Variants in CROCC observed in about 807,000 individuals in gnomAD.
CROCC encodes the protein ciliary rootlet coiled-coil, rootletin.
CROCC carries 180 observed loss-of-function variants against 245.2 expected under a neutral mutation model. The observed-to-expected ratio is 0.73, with a 90% CI of 0.65 to 0.83. The LOEUF (loss-of-function observed/expected upper bound fraction) is 0.83, where lower values mean the gene tolerates loss of function less well. Ranked by LOEUF, CROCC falls within the 40% of genes least tolerant of loss-of-function variation. The pLI is 0.00. For synonymous variants in CROCC, 1,205 were observed against 1,241.6 expected, an observed-to-expected ratio of 0.97 and a Z score of 0.62; for missense variants, 2,688 against 2,779.4, an observed-to-expected ratio of 0.97 and a Z score of 0.74.
chr1:16,959,817 C>A (rs74058333), intron 26 of CROCC, among the ~76,000 whole-genome samples: 27 of 152,302 alleles, frequency 1.8e-4, no homozygotes, highest in African/African-American at 6.3e-4. Flanking sequence ...ACTTAACCTT[C>A]CTGGCTGTTC....
upstream of CROCC, among the ~76,000 whole-genome samples, chr1:16,920,267 C>T (rs1488080093): frequency 6.6e-6 from 1 of 152,200 alleles, no homozygotes; most frequent in African/African-American, 2.4e-5. Context: ...TTAATAGAGA[C>T]GGGGTTTCAC....
intron 27 of CROCC, among the ~76,000 whole-genome samples, chr1:16,962,704 G>A (rs2076354071): frequency 6.7e-6 from 1 of 149,610 alleles, no homozygotes; most frequent in Non-Finnish European, 1.5e-5. Flanking sequence ...ATGTGTGTGT[G>A]TGTATATAAA....
Position 16,948,423 on chromosome 1 carries a change from T to C in CROCC, c.2607T>C (p.Arg869=). ...RQVEALERAA[R]EKEALAKEHA... The stretch of plus-strand genomic sequence containing the variant: ...TGGAGGCGCTGGAGCGAGCGGCCCG[T>C]GAGAAGGAGGCGCTAGCCAAGGAGC... The change falls in exon 18 of 37, where the codon CGT becomes CGC. Residue 869 remains arginine, a synonymous_variant. Coordinates refer to ENST00000375541, the MANE Select transcript of CROCC (RefSeq NM_014675.5). 6.4e-7 allele frequency: 1 copy of C among 1,571,666 alleles called. No homozygotes were observed. Among genetic ancestry groups the C allele is most frequent in the Non-Finnish European group, 8.6e-7 (1 of 1,160,510 alleles).
chr1:16,951,563 G>A (rs1310695161), intron 20 of CROCC, among the ~76,000 whole-genome samples: 8 of 152,338 alleles, frequency 5.3e-5, no homozygotes, highest in African/African-American at 1.9e-4. Flanking sequence ...CAAGGTGTCC[G>A]TGCCTTCATT....
intron 12 of CROCC, 93 bp downstream of exon 12, chr1:16,939,235 G>A (rs1424576098): frequency 1.8e-6 from 2 of 1,136,350 alleles, no homozygotes; most frequent in East Asian, 3.1e-5. Context: ...GGCAGGTCCG[G>A]GGCCAGGGTC....
Position 16,951,070 on chromosome 1 carries a change from G to A in CROCC, c.2954G>A (p.Arg985Gln), listed in dbSNP as rs1388968596. 23 of 1,600,960 alleles carry A rather than the reference G, an allele frequency of 1.4e-5. No homozygotes were observed. Among genetic ancestry groups the A allele is most frequent in the African/African-American group, 4.0e-5 (3 of 74,458 alleles). ...GAGCGGGAGGCCCAGGCCTCTCTGC[G>A]GGAGCAGCGGGCAGCTCACGAGGAG... is the stretch of plus-strand genomic sequence containing the variant. ...QAEREAQASLREQRAAHEEDL... is the reference protein window; with the variant it reads ...QAEREAQASLQEQRAAHEEDL... The change falls in exon 20 of 37, where the codon CGG becomes CAG. Residue 985 changes from arginine (R) to glutamine (Q), a missense_variant. Arg to Gln is a conservative substitution (Grantham distance 43). Transcript: ENST00000375541.
chr1:16,958,109 T>G (rs954667268), intron 25 of CROCC, among the ~76,000 whole-genome samples: 4 of 152,240 alleles, frequency 2.6e-5, no homozygotes, highest in African/African-American at 7.2e-5. Context: ...TCTGACACTC[T>G]GAGGCTCAGT....
chr1:16,950,872 G>A (rs4068830), intron 19 of CROCC, 81 bp from the exon 20 acceptor site: 5 of 1,291,942 alleles, frequency 3.9e-6, no homozygotes, highest in Non-Finnish European at 5.1e-6. Context: ...TTTTGCCCAT[G>A]TGGCTCACCT....
At chr1:16,960,251 G>A (rs143629705) in intron 26 of CROCC, among the ~76,000 whole-genome samples, 2 of 152,252 alleles carry the variant, frequency 1.3e-5, no homozygotes, top group East Asian at 1.9e-4. Flanking sequence ...GGGTGACAGA[G>A]CTAGACTCTG....
At chr1:16,916,885 A>G (rs2075311244) in intron 1 of CROCC, among the ~76,000 whole-genome samples, 3 of 152,288 alleles carry the variant, frequency 2.0e-5, no homozygotes, top group Non-Finnish European at 4.4e-5. Context: ...TGAGAGGCCG[A>G]GGCGGGTAGA....
chr1:16,929,476 G>A (rs1331794804), intron 3 of CROCC, among the ~76,000 whole-genome samples: 4 of 152,280 alleles, frequency 2.6e-5, no homozygotes, highest in Admixed American at 2.0e-4. Context: ...GGCATGGTGG[G>A]AAGACACAGG....
At chr1:16,961,203 G>A (rs1272488111) in intron 27 of CROCC, 73 bp downstream of exon 27, 38 of 1,234,870 alleles carry the variant, frequency 3.1e-5, no homozygotes, top group Non-Finnish European at 3.8e-5. Context: ...CCACATGGCA[G>A]GGTGTTTTTG....
intron 36 of CROCC, 111 bp from the exon 37 acceptor site, chr1:16,972,249 C>A: frequency 1.2e-6 from 1 of 862,586 alleles, no homozygotes; most frequent in Non-Finnish European, 2.0e-6. Flanking sequence ...TCAGTGAGAC[C>A]AGACCTTTCC....
At chr1:16,934,495 G>T (rs893852998) in intron 8 of CROCC, among the ~76,000 whole-genome samples, 1 of 152,236 alleles carries the variant, frequency 6.6e-6, no homozygotes, top group Non-Finnish European at 1.5e-5. Context: ...TAGAGACAGG[G>T]TCTTGCCATG....
Position 16,955,324 on chromosome 1 carries a change from C to G in CROCC, c.3478C>G (p.Arg1160Gly). ...GCTGTGCTCACAGGCAGAAGAGCTT[C>G]GGACCCAGCTGCGTCTGCTGGAGGA... The part of the protein sequence containing the change: ...DSCLREAEEL[R>G]TQLRLLEDAR... Residue 1160 changes from arginine to glycine, a missense_variant, in exon 24 of 37, where the codon CGG becomes GGG. Around this residue, in one of 9 missense-constraint regions of CROCC, gnomAD observed 1,218 missense variants for 1,286.3 expected, o/e 0.95. Transcript: ENST00000375541. The G allele has an allele frequency of 2.5e-6, 4 of 1,607,872 alleles. No homozygotes were observed. The highest frequency in any genetic ancestry group is 3.4e-6 in the Non-Finnish European group (4 of 1,179,662).
rs756753871 is a variant in CROCC at position 16,958,588 on chromosome 1, G to A, written c.3870G>A (p.Lys1290=). 1.9e-6 allele frequency: 3 copies of A among 1,551,988 alleles called. No individual in the cohort carries two copies. The highest frequency in any genetic ancestry group is 2.6e-6 in the Non-Finnish European group (3 of 1,148,124). ...CCATTCCCGTGCTCTCACAGATGAA[G>A]ATGCTGGACAGTGAGAACACCAGAC... ...RELQELRRQM[K]MLDSENTRLG... The change falls in exon 26 of 37, where the codon AAG becomes AAA. Residue 1290 remains lysine (K), a synonymous_variant. Transcript: ENST00000375541.
At chr1:16,970,858 G>GCCCATA in intron 35 of CROCC, 91 bp downstream of exon 35, 1 of 1,404,320 alleles carries the variant, frequency 7.1e-7, no homozygotes, top group South Asian at 1.6e-5. Flanking sequence ...CCAGCCCAGG[G>GCCCATA]CCCATAACCC....
In CROCC at chr1:16,944,277, G is replaced by A. The variant is rs751979499; in HGVS notation, c.1986G>A (p.Glu662=). ...GCGCGCGGGTGCGCCGGGAGCTTGAGCGCAGGTGAGCAGCATCTCGCCACC... is the reference window on the plus strand; with the variant it reads ...GCGCGCGGGTGCGCCGGGAGCTTGAACGCAGGTGAGCAGCATCTCGCCACC... ...QDGARVRREL[E]RSHRQLEQLE... The change falls in exon 14 of 37, where the codon GAG becomes GAA. Residue 662 remains glutamate (E), a synonymous_variant. Coordinates refer to ENST00000375541, the MANE Select transcript of CROCC (RefSeq NM_014675.5). The A allele has an allele frequency of 5.2e-6, 8 of 1,535,592 alleles. No individual in the cohort carries two copies. The South Asian group carries it at 9.7e-5, about 19-fold the overall frequency.
At chr1:16,967,059 G>A (rs201202830) in intron 30 of CROCC, among the ~76,000 whole-genome samples, 1 of 150,042 alleles carries the variant, frequency 6.7e-6, no homozygotes, top group Non-Finnish European at 1.5e-5. Context: ...AAAAAGAAAA[G>A]AAAAAAAAAA....
Sources: gnomAD v4.1 joint callset for allele counts (sites outside exome capture counted in the v4.1 genomes callset) on GRCh38, gnomAD v4.1.1 for gene constraint, gnomAD v4.1.1 regional missense constraint, MANE v1.5 for transcripts, NCBI Gene and HGNC (gene_info 2026-07-23, HGNC 2026-07-21) for gene names.